The following ZNF710 variants were observed in gnomAD, a reference collection of about 807,000 sequenced individuals.
The protein encoded by ZNF710 is zinc finger protein 710.
In ZNF710, 13 loss-of-function variants were observed where a neutral mutation model predicts 50.6. The ratio of observed to expected loss-of-function variants is 0.26; its 90% CI spans 0.17 to 0.41. The LOEUF is 0.41. Ranked by LOEUF, ZNF710 falls within the 10% of genes least tolerant of loss-of-function variation. The pLI is 1.00. For missense variants in ZNF710, 721 were observed against 936.6 expected, an observed-to-expected ratio of 0.77 and a Z score of 3.01; for synonymous variants, 383 against 397.0, an observed-to-expected ratio of 0.96 and a Z score of 0.42.
At chr15:90,056,789 G>A (rs1324574212) in intron 1 of ZNF710, among the ~76,000 whole-genome samples, 1 of 152,204 alleles carries the variant, frequency 6.6e-6, no homozygotes, top group Non-Finnish European at 1.5e-5. Flanking sequence ...TTTTTATGCA[G>A]CTCTGCAGGC....
chr15:90,015,329 A>G (rs183887790), intron 1 of ZNF710, among the ~76,000 whole-genome samples: 25 of 152,306 alleles, frequency 1.6e-4, no homozygotes, highest in Admixed American at 1.4e-3. Flanking sequence ...GGGAACAGAT[A>G]CTCTCATAGT....
At chr15:90,037,032 G>A (rs542862672) in intron 1 of ZNF710, among the ~76,000 whole-genome samples, 2 of 152,280 alleles carry the variant, frequency 1.3e-5, no homozygotes, top group Admixed American at 1.3e-4. Flanking sequence ...TCAGGCTGGA[G>A]ATGGGAGGTC....
chr15:90,077,608 A>G (rs1900624054), intron 4 of ZNF710, among the ~76,000 whole-genome samples: 1 of 152,074 alleles, frequency 6.6e-6, no homozygotes, highest in Non-Finnish European at 1.5e-5. Flanking sequence ...TGGCACTAGG[A>G]CTGAGGGAAG....
At chr15:90,060,819 G>A (rs1032429560) in intron 1 of ZNF710, among the ~76,000 whole-genome samples, 2 of 152,258 alleles carry the variant, frequency 1.3e-5, no homozygotes, top group Non-Finnish European at 1.5e-5. Context: ...TTGCTCCACC[G>A]CACTCCAGAC....
intron 1 of ZNF710, among the ~76,000 whole-genome samples, chr15:90,020,348 C>G (rs190466061): frequency 6.6e-6 from 1 of 152,182 alleles, no homozygotes; most frequent in Non-Finnish European, 1.5e-5. Flanking sequence ...CCCTTCCCTC[C>G]TCCAGCTCTG....
chr15:90,028,031 G>A (rs1163789190), intron 1 of ZNF710, among the ~76,000 whole-genome samples: 1 of 152,084 alleles, frequency 6.6e-6, no homozygotes, highest in Non-Finnish European at 1.5e-5. Flanking sequence ...AATATTTGTT[G>A]AAGAAATTAA....
Position 90,074,097 on chromosome 15 carries a change from C to A in ZNF710, c.1651-19C>A. Reference sequence around the variant, plus strand: ...GCAGGTTCCCCACAGGCTCAGGACACCGGGTTGATGTGTTCTAGGTGTGCG... The same window carrying A: ...GCAGGTTCCCCACAGGCTCAGGACAACGGGTTGATGTGTTCTAGGTGTGCG... On this transcript the variant is annotated intron_variant, in intron 3 of 4. Transcript: ENST00000268154. The A allele has an allele frequency of 6.2e-7, 1 of 1,600,866 alleles. No homozygotes were observed. The highest frequency in any genetic ancestry group is 8.5e-7 in the Non-Finnish European group (1 of 1,175,460).
At chr15:90,041,069 C>T (rs528317150) in intron 1 of ZNF710, among the ~76,000 whole-genome samples, 1 of 152,134 alleles carries the variant, frequency 6.6e-6, no homozygotes, top group South Asian at 2.1e-4. Context: ...CTTCTGATTC[C>T]TCCTAATACA....
intron 4 of ZNF710, among the ~76,000 whole-genome samples, chr15:90,077,792 T>C (rs1157545945): frequency 2.0e-5 from 3 of 152,204 alleles, no homozygotes; most frequent in Non-Finnish European, 4.4e-5. Flanking sequence ...AGCGCACACC[T>C]ATCGTCCCAG....
In ZNF710 at chr15:90,067,287, G is replaced by A; in HGVS notation, c.150G>A (p.Glu50=). ...AEAFYPDLGP[E]LSGAAMGEPE... ...CCTTCTACCCGGACCTGGGGCCCGA[G>A]CTTTCAGGGGCAGCCATGGGAGAGC... The change falls in exon 2 of 5, where the codon GAG becomes GAA. Residue 50 remains glutamate (E), a synonymous_variant. Transcript: ENST00000268154. The surrounding 1 kb of genome is among the most constrained non-coding windows in gnomAD (Gnocchi z 8.1). The A allele has an allele frequency of 6.2e-7, 1 of 1,611,704 alleles. No individual in the cohort carries two copies. The highest frequency in any genetic ancestry group is 1.1e-5 in the South Asian group (1 of 90,768).
intron 2 of ZNF710, among the ~76,000 whole-genome samples, chr15:90,072,690 G>A (rs1238901395): frequency 6.6e-6 from 1 of 152,188 alleles, no homozygotes; most frequent in Non-Finnish European, 1.5e-5. Context: ...GCCTAGTGTG[G>A]TACTGGCTTG....
At chr15:90,060,915 C>T (rs1409512443) in intron 1 of ZNF710, among the ~76,000 whole-genome samples, 1 of 152,180 alleles carries the variant, frequency 6.6e-6, no homozygotes, top group African/African-American at 2.4e-5. Context: ...AGACTGCAGT[C>T]TCTGAGCAAC....
chr15:90,046,648 G>A (rs1314157591), intron 1 of ZNF710, among the ~76,000 whole-genome samples: 1 of 152,136 alleles, frequency 6.6e-6, no homozygotes, highest in Non-Finnish European at 1.5e-5. Context: ...TGGAAATGAG[G>A]GAGGTGGATC....
upstream of ZNF710, among the ~76,000 whole-genome samples, chr15:89,999,951 G>A (rs372594272): frequency 2.0e-5 from 3 of 151,578 alleles, no homozygotes; most frequent in South Asian, 4.2e-4. Flanking sequence ...GGAGGGGAGA[G>A]GATCCAGGCT....
chr15:90,046,790 C>G (rs759492349), intron 1 of ZNF710, among the ~76,000 whole-genome samples: 1 of 152,122 alleles, frequency 6.6e-6, no homozygotes, highest in Non-Finnish European at 1.5e-5. Context: ...TCTGGGTGAC[C>G]AAGACAAGAT....
At chr15:90,023,497 G>A (rs1416939003) in intron 1 of ZNF710, among the ~76,000 whole-genome samples, 3 of 152,210 alleles carry the variant, frequency 2.0e-5, no homozygotes, top group African/African-American at 7.2e-5. Context: ...GTTGGTGCCT[G>A]TAGGTGGCAT....
chr15:90,065,280 C>T (rs1042061122), intron 1 of ZNF710, among the ~76,000 whole-genome samples: 7 of 152,126 alleles, frequency 4.6e-5, no homozygotes, highest in Admixed American at 2.0e-4. Flanking sequence ...GAAGGGCCGC[C>T]GACCGTGTGC....
intron 1 of ZNF710, among the ~76,000 whole-genome samples, chr15:90,058,551 A>G (rs888150784): frequency 6.6e-6 from 1 of 152,024 alleles, no homozygotes; most frequent in African/African-American, 2.4e-5. Context: ...GTCTTTCTCT[A>G]GAGACACTCC....
rs1024535530 is a variant in ZNF710 at position 90,079,875 on chromosome 15, G to T, written c.*46G>T. 6 of 1,537,658 alleles carry T rather than the reference G, an allele frequency of 3.9e-6. No homozygotes were observed. In the South Asian group the frequency reaches 5.1e-5, roughly 13 times the overall value. ...ACGGGGGCCGGGGGCGAGGGCATGG[G>T]GGTGAGACCCATGGGCTGCAGGCTG... On this transcript the variant is annotated 3_prime_UTR_variant, in exon 5 of 5. Coordinates refer to ENST00000268154, the MANE Select transcript of ZNF710 (RefSeq NM_198526.4).
Sources: gnomAD v4.1 joint callset for allele counts (sites outside exome capture counted in the v4.1 genomes callset) on GRCh38, gnomAD v4.1.1 for gene constraint, Gnocchi (gnomAD v3.1) non-coding constraint, MANE v1.5 for transcripts, NCBI Gene and HGNC (gene_info 2026-07-23, HGNC 2026-07-21) for gene names.